Variants in PLEC observed in about 807,000 individuals in gnomAD.
PLEC encodes the protein plectin.
In PLEC, 216 loss-of-function variants were observed where a neutral mutation model predicts 392.8. The ratio of observed to expected loss-of-function variants is 0.55; its 90% CI spans 0.49 to 0.62. PLEC has a LOEUF of 0.62. Ranked by LOEUF, PLEC falls within the 20% of genes least tolerant of loss-of-function variation. The pLI is 0.00. For missense variants in PLEC, 6,863 were observed against 6,563.4 expected, an observed-to-expected ratio of 1.05 and a Z score of -1.58; for synonymous variants, 3,621 against 2,980.6, an observed-to-expected ratio of 1.21 and a Z score of -7.00.
At position 143,919,690 on chromosome 8, in the gene PLEC, C is replaced by A. The variant is rs1554679065; in HGVS notation, c.10131G>T (p.Arg3377=). ...EKVSIYEAMR[R]GLLRATTAAL... ...CAGCCGTTGTGGCTCTCAGCAGGCC[C>A]CGGCGCATGGCCTCGTAGATGGACA... The change falls in exon 32 of 32, where the codon CGG becomes CGT. Residue 3377 remains arginine (R), a synonymous_variant. Transcript: ENST00000345136. 3 of 1,602,590 alleles carry A rather than the reference C, an allele frequency of 1.9e-6. No homozygotes were observed. Among genetic ancestry groups the A allele is most frequent in the Non-Finnish European group, 2.6e-6 (3 of 1,175,614 alleles).
chr8:143,961,418 G>A (rs891248466), intron 1 of PLEC, among the ~76,000 whole-genome samples: 5 of 152,096 alleles, frequency 3.3e-5, no homozygotes, highest in Non-Finnish European at 4.4e-5. Context: ...TAGAGACAGC[G>A]TTTCACCATG....
In PLEC at chr8:143,918,070, G is replaced by A. The variant is rs782402718; in HGVS notation, c.11751C>T (p.Ser3917=). ...TALQLREGLT[S]IEEVTKNLQK... is the part of the protein sequence containing the mutation. ...GCAAGTTCTTGGTGACCTCCTCGATGGAGGTCAGGCCCTCCCGCAGCTGCA... is the reference window on the plus strand; with the variant it reads ...GCAAGTTCTTGGTGACCTCCTCGATAGAGGTCAGGCCCTCCCGCAGCTGCA... The change falls in exon 32 of 32, where the codon TCC becomes TCT. Residue 3917 remains serine, a synonymous_variant. Transcript: ENST00000345136. 2.8e-5 allele frequency: 45 copies of A among 1,600,280 alleles called. No individual in the cohort carries two copies. In the Admixed American group the frequency reaches 7.7e-4, roughly 27 times the overall value.
In PLEC at chr8:143,922,796, ATCT is replaced by A; in HGVS notation, c.7130_7132del (p.Glu2377_Met2378delinsVal). The A allele has an allele frequency of 5.6e-6, 9 of 1,593,676 alleles. No individual in the cohort carries two copies. The highest frequency in any genetic ancestry group is 7.7e-6 in the Non-Finnish European group (9 of 1,173,280). On this transcript the variant is annotated inframe_deletion, in exon 31 of 32. Coordinates refer to ENST00000345136, the MANE Select transcript of PLEC (RefSeq NM_201384.3). ...CTTGAGGCGCTCAGCCTCAGCGCTC[ATCT>A]CCAGCTGCCGCTGCCGCTCGGCCTC... is the stretch of plus-strand genomic sequence containing the variant.
At position 143,973,330 on chromosome 8, in the gene PLEC, C is replaced by T. The variant is rs1224114227; in HGVS notation, c.70+73G>A. On this transcript the variant is annotated intron_variant, in intron 1 of 31. Transcript: ENST00000356346. The surrounding 1 kb of genome is among the most constrained non-coding windows in gnomAD (Gnocchi z 5.6). ...CTCGGGCCGGCGATCGGGACCGCCA[C>T]CGTGGACGACAAGGTGCTCGGCGGC... 2.6e-6 allele frequency: 4 copies of T among 1,521,874 alleles called. No homozygotes were observed. The Admixed American group carries it at 8.0e-5, about 30-fold the overall frequency. The allele number at this position is 1,521,874 out of a possible 1,614,324, so 94.3% of individuals were successfully genotyped here.
chr8:143,958,101 C>T (rs896300864), upstream of PLEC, among the ~76,000 whole-genome samples: 3 of 152,216 alleles, frequency 2.0e-5, no homozygotes, highest in African/African-American at 7.2e-5. This position sits in a 1 kb window ranked among gnomAD's most constrained non-coding sequence, Gnocchi z 4.9. Flanking sequence ...ACCTCACCTG[C>T]CCCAGGCTTC....
intron 1 of PLEC, among the ~76,000 whole-genome samples, chr8:143,948,345 C>T (rs1171208938): frequency 6.6e-6 from 1 of 152,244 alleles, no homozygotes; most frequent in African/African-American, 2.4e-5. Context: ...CAGGGCAGCT[C>T]ACTGCTTGGT....
At chr8:143,935,753 GC>G in intron 6 of PLEC, 94 bp downstream of exon 6, 2 of 1,373,402 alleles carry the variant, frequency 1.5e-6, no homozygotes, top group Non-Finnish European at 2.0e-6. Flanking sequence ...TGTTCCTCCT[GC>G]CCTCCTCCCT....
Position 143,920,938 on chromosome 8 carries a change from C to T in PLEC, c.8883G>A (p.Thr2961=), listed in dbSNP as rs781954954. The T allele has an allele frequency of 6.2e-6, 10 of 1,612,860 alleles. No individual in the cohort carries two copies. The highest frequency in any genetic ancestry group is 4.4e-5 in the South Asian group (4 of 91,086). Residue 2961 remains threonine (T), a synonymous_variant, in exon 32 of 32, where the codon ACG becomes ACA. Transcript: ENST00000345136. ...TVEKIIKIII[T]VVEEQEQKGR... ...CCTTCTGCTCCTGCTCCTCCACCAC[C>T]GTGATGATGATCTTGATGATCTTCT... is the stretch of plus-strand genomic sequence containing the variant.
chr8:143,930,570 A>C (rs1170486155), intron 19 of PLEC, 34 bp from the exon 20 acceptor site: 1 of 1,561,814 alleles, frequency 6.4e-7, no homozygotes, highest in South Asian at 1.2e-5. Context: ...GACGAGGGCC[A>C]TGGAGACCCA....
upstream of PLEC, chr8:143,943,882 G>T (rs1554730629): frequency 6.2e-7 from 1 of 1,611,460 alleles, no homozygotes; most frequent in Non-Finnish European, 8.5e-7. Context: ...GGCTGCCCGA[G>T]GGCTCCATAG....
chr8:143,922,437 A>G (rs782502656), intron 31 of PLEC, 42 bp from the exon 32 acceptor site: 59 of 1,600,328 alleles, frequency 3.7e-5, no homozygotes, highest in African/African-American at 5.3e-5. Context: ...CCAGCCCAGG[A>G]GCACCCATCA....
upstream of PLEC, among the ~76,000 whole-genome samples, chr8:143,956,646 GCTTTTCATGCACCGACTCCGC>G (rs1832610885): frequency 6.6e-6 from 1 of 152,232 alleles, no homozygotes; most frequent in Admixed American, 6.5e-5. Context: ...GGAACACACA[GCTTTTCATGCACCGACTCCGC>G]CTTTAACTTC....
chr8:143,976,544 G>A (rs1307956425), upstream of PLEC, among the ~76,000 whole-genome samples: 1 of 152,062 alleles, frequency 6.6e-6, no homozygotes, highest in Non-Finnish European at 1.5e-5. Context: ...CCGCAGTCTC[G>A]GGCGTGCAGG....
At chr8:143,954,331 C>A (rs1221698637), upstream of PLEC, among the ~76,000 whole-genome samples, 2 of 116,840 alleles carry the variant, frequency 1.7e-5, no homozygotes, top group Non-Finnish European at 3.5e-5. This position sits in a 1 kb window ranked among gnomAD's most constrained non-coding sequence, Gnocchi z 4.6. Context: ...CAGTGTGCCC[C>A]TTCCCCGGGC....
Position 143,920,979 on chromosome 8 carries a change from C to T in PLEC, c.8842G>A (p.Gly2948Ser). The T allele has an allele frequency of 6.2e-7, 1 of 1,613,194 alleles. No individual in the cohort carries two copies. The highest frequency in any genetic ancestry group is 8.5e-7 in the Non-Finnish European group (1 of 1,180,038). Residue 2948 changes from glycine to serine, a missense_variant, in exon 32 of 32, where the codon GGC (glycine) becomes AGC (serine). Physicochemically the swap from Gly to Ser is moderately conservative, Grantham distance 56. Coordinates refer to ENST00000345136, the MANE Select transcript of PLEC (RefSeq NM_201384.3). ...RRDLLRQFRTGRITVEKIIKI... is the reference protein window; with the variant it reads ...RRDLLRQFRTSRITVEKIIKI... Reference sequence around the variant, plus strand: ...ATGATCTTCTCCACTGTGATCCGGCCCGTGCGGAACTGCCGCAGCAGGTCC... The same window carrying T: ...ATGATCTTCTCCACTGTGATCCGGCTCGTGCGGAACTGCCGCAGCAGGTCC...
In PLEC at chr8:143,920,616, C is replaced by T. The variant is rs782388493; in HGVS notation, c.9205G>A (p.Asp3069Asn). 3.1e-6 allele frequency: 5 copies of T among 1,607,818 alleles called. No individual in the cohort carries two copies. The Admixed American group carries it at 5.0e-5, about 16-fold the overall frequency. Residue 3069 changes from aspartate to asparagine, a missense_variant, in exon 32 of 32, where the codon GAC (aspartate) becomes AAC (asparagine). Asp to Asn is a conservative substitution (Grantham distance 23). Coordinates refer to ENST00000345136, the MANE Select transcript of PLEC (RefSeq NM_201384.3). ...EAQAGTGHII[D>N]PATSARLTVD... ...GTCAGCCGGGCGCTGGTGGCGGGGTCGATGATGTGCCCGGTGCCGGCCTGG... is the reference window on the plus strand; with the variant it reads ...GTCAGCCGGGCGCTGGTGGCGGGGTTGATGATGTGCCCGGTGCCGGCCTGG...
Position 143,927,978 on chromosome 8 carries a change from C to A in PLEC, c.3275G>T (p.Ser1092Ile), listed in dbSNP as rs782658183. The A allele has an allele frequency of 1.9e-6, 3 of 1,599,630 alleles. No homozygotes were observed. In the South Asian group the frequency reaches 3.3e-5, roughly 18 times the overall value. ...CCCCTGCGTGCCGCGGATCACCAGG[C>A]TGATGGTCTTGAGCCTGGCGGGAAA... ...AIYLEKLKTI[S>I]LVIRGTQGAE... Residue 1092 changes from serine to isoleucine, a missense_variant, in exon 26 of 32, where the codon AGC (serine) becomes ATC (isoleucine). Transcript: ENST00000345136.
chr8:143,958,081 C>T (rs1484248248), upstream of PLEC, among the ~76,000 whole-genome samples: 1 of 152,232 alleles, frequency 6.6e-6, no homozygotes, highest in Non-Finnish European at 1.5e-5. The surrounding 1 kb of genome is among the most constrained non-coding windows in gnomAD (Gnocchi z 4.9). Flanking sequence ...GCGGCAGGTC[C>T]ACAGGAGCCA....
rs1828679085 is a variant in PLEC, at chr8:143,935,183, G to A, written c.718+15C>T. The A allele has an allele frequency of 1.2e-6, 2 of 1,611,554 alleles. No individual in the cohort carries two copies. The highest frequency in any genetic ancestry group is 1.1e-5 in the South Asian group (1 of 91,072). ...AGCAGGGGAAGGGACAGGGAGGAAGGCCACGCAGACGTACCCTCAGGGTCC... is the reference window on the plus strand; with the variant it reads ...AGCAGGGGAAGGGACAGGGAGGAAGACCACGCAGACGTACCCTCAGGGTCC... On this transcript the variant is annotated intron_variant, in intron 7 of 31. Transcript: ENST00000345136.
Sources: gnomAD v4.1 joint callset for allele counts (sites outside exome capture counted in the v4.1 genomes callset) on GRCh38, gnomAD v4.1.1 for gene constraint, Gnocchi (gnomAD v3.1) non-coding constraint, MANE v1.5 for transcripts, NCBI Gene and HGNC (gene_info 2026-07-23, HGNC 2026-07-21) for gene names.